Variants in CDH18 observed in about 807,000 individuals in gnomAD.
CDH18 encodes cadherin 18.
A neutral mutation model predicts 67.9 loss-of-function variants in CDH18; 31 were observed. The observed-to-expected ratio is 0.46, with a 90% CI of 0.34 to 0.62. The LOEUF is 0.62. Among genes scored for constraint, CDH18 ranks in the 20% least tolerant of loss-of-function variants. The probability of loss-of-function intolerance (pLI) is 0.01; values close to 1 mark genes in which losing one functional copy is unlikely to be tolerated. For missense variants in CDH18, 890 were observed against 975.5 expected (o/e 0.91, Z 1.17); for synonymous variants, 362 against 347.2 (o/e 1.04, Z -0.48).
In CDH18 at chr5:19,606,760, C is replaced by A. The variant is rs143967367; in HGVS notation, c.811+5674G>T. 6.6e-5 allele frequency among the ~76,000 whole-genome samples: 10 copies of A among 151,544 alleles called. No homozygotes were observed. The East Asian group carries it at 1.9e-3, about 29-fold the overall frequency. On this transcript the variant is annotated intron_variant, in intron 6 of 12. Coordinates refer to ENST00000382275, the MANE Select transcript of CDH18 (RefSeq NM_004934.5). Reference sequence around the variant, plus strand: ...TAGAAAAGAAGTGAGAAAATGAGGTCGAAGAAATACTTGAAAAAATTCTAA... The same window carrying A: ...TAGAAAAGAAGTGAGAAAATGAGGTAGAAGAAATACTTGAAAAAATTCTAA...
At chr5:19,545,309 C>T (rs1382875459) in intron 8 of CDH18, among the ~76,000 whole-genome samples, 1 of 152,046 alleles carries the variant, frequency 6.6e-6, no homozygotes, top group Non-Finnish European at 1.5e-5. Flanking sequence ...GGTTAGAAAA[C>T]AAATCTATGT....
chr5:19,884,685 T>G (rs1375179768), intron 2 of CDH18, among the ~76,000 whole-genome samples: 3 of 152,054 alleles, frequency 2.0e-5, no homozygotes, highest in East Asian at 3.9e-4. Flanking sequence ...CTTGTAACAA[T>G]CCTGTGTTTT....
At chr5:20,481,278 G>C (rs1373518249) in intron 1 of CDH18, among the ~76,000 whole-genome samples, 1 of 150,916 alleles carries the variant, frequency 6.6e-6, no homozygotes, top group Non-Finnish European at 1.5e-5. Flanking sequence ...TCAGCAAAAG[G>C]ACATAGGAAT....
At chr5:19,761,561 C>T (rs2149705874) in intron 3 of CDH18, among the ~76,000 whole-genome samples, 1 of 151,030 alleles carries the variant, frequency 6.6e-6, no homozygotes, top group African/African-American at 2.4e-5. Context: ...CTGCAGAAAC[C>T]CAAAAAAAAA....
chr5:19,692,178 T>C (rs187375355), intron 5 of CDH18, among the ~76,000 whole-genome samples: 15 of 152,176 alleles, frequency 9.9e-5, no homozygotes, highest in African/African-American at 3.4e-4. Context: ...TTAATATCCA[T>C]ATGCAGAAGA....
intron 1 of CDH18, among the ~76,000 whole-genome samples, chr5:20,449,442 G>T (rs1750258898): frequency 6.6e-6 from 1 of 151,910 alleles, no homozygotes; most frequent in African/African-American, 2.4e-5. Context: ...TCATATAAAT[G>T]ATGTATAAAT....
intron 5 of CDH18, among the ~76,000 whole-genome samples, chr5:19,714,834 T>G (rs1362515412): frequency 1.3e-4 from 20 of 151,998 alleles, no homozygotes. Context: ...TTTCCAAGAA[T>G]CTATGAATGA....
chr5:20,162,715 A>T (rs1232977598), intron 2 of CDH18, among the ~76,000 whole-genome samples: 2 of 151,570 alleles, frequency 1.3e-5, no homozygotes, highest in African/African-American at 4.8e-5. Flanking sequence ...ATACATATAT[A>T]TATGTCTTTA....
intron 2 of CDH18, among the ~76,000 whole-genome samples, chr5:20,031,301 A>G (rs1739374267): frequency 6.6e-6 from 1 of 152,158 alleles, no homozygotes; most frequent in African/African-American, 2.4e-5. Flanking sequence ...AAGAAAAGAT[A>G]GACTTGAAAA....
chr5:19,497,170 G>T (rs77035182), intron 11 of CDH18, among the ~76,000 whole-genome samples: 5,402 of 151,784 alleles, frequency 0.036, 139 homozygotes, highest in Non-Finnish European at 0.056. Context: ...ACTGGCATTT[G>T]TTCTAGATAT....
intron 2 of CDH18, among the ~76,000 whole-genome samples, chr5:19,910,344 G>T (rs1225233596): frequency 2.0e-5 from 3 of 152,126 alleles, no homozygotes; most frequent in Non-Finnish European, 4.4e-5. Flanking sequence ...TCACCCCAGA[G>T]TGCAAACAAG....
chr5:19,658,981 G>A (rs1448215996), intron 5 of CDH18, among the ~76,000 whole-genome samples: 2 of 152,038 alleles, frequency 1.3e-5, no homozygotes, highest in Non-Finnish European at 2.9e-5. Context: ...AAAAAATGAT[G>A]AGTTCATGTC....
At chr5:19,673,304 C>G (rs2150357354) in intron 5 of CDH18, among the ~76,000 whole-genome samples, 1 of 151,866 alleles carries the variant, frequency 6.6e-6, no homozygotes, top group East Asian at 1.9e-4. Flanking sequence ...TCACAATAAC[C>G]ATTTAAAACA....
chr5:20,197,960 G>A (rs932330366), intron 2 of CDH18, among the ~76,000 whole-genome samples: 6 of 152,072 alleles, frequency 3.9e-5, no homozygotes, highest in African/African-American at 1.4e-4. Flanking sequence ...TTTTATGATA[G>A]TCCTCATGAG....
chr5:20,184,453 C>T (rs533101668), intron 2 of CDH18, among the ~76,000 whole-genome samples: 7 of 151,956 alleles, frequency 4.6e-5, no homozygotes, highest in African/African-American at 7.2e-5. Flanking sequence ...AAAAAGAAAA[C>T]GATGACTCTT....
intron 1 of CDH18, among the ~76,000 whole-genome samples, chr5:20,364,152 AG>A (rs1742322040): frequency 6.6e-6 from 1 of 152,172 alleles, no homozygotes. Context: ...ATAGATTTTC[AG>A]TACTTCAGTA....
rs1491460573 is a variant in CDH18, at chr5:20,443,207, C to CTCAAA, written c.-580+132254_-580+132255insTTTGA. ...CCTGGGTGATAGAGCGAGACTCCGTCACAAAAAAAAAAAAAAAAAAAAAAG... is the reference window on the plus strand; with the variant it reads ...CCTGGGTGATAGAGCGAGACTCCGTCTCAAAACAAAAAAAAAAAAAAAAAAAAAAG... On this transcript the variant is annotated intron_variant, in intron 1 of 14. Transcript: ENST00000507958. 4.0e-3 allele frequency among the ~76,000 whole-genome samples: 102 copies of CTCAAA among 25,368 alleles called. 15 individuals are homozygous for CTCAAA. Among genetic ancestry groups the CTCAAA allele is most frequent in the African/African-American group, 0.012 (87 of 6,972 alleles). The allele number at this position is 25,368 out of a possible 152,430, so 16.6% of individuals were successfully genotyped here.
chr5:20,177,213 G>C (rs1311114944), intron 2 of CDH18, among the ~76,000 whole-genome samples: 1 of 151,878 alleles, frequency 6.6e-6, no homozygotes, highest in East Asian at 1.9e-4. Context: ...AGTAGTAACA[G>C]TTTCAAAATT....
intron 2 of CDH18, among the ~76,000 whole-genome samples, chr5:20,031,283 A>ATACT (rs1290342595): frequency 6.6e-6 from 1 of 152,146 alleles, no homozygotes; most frequent in Non-Finnish European, 1.5e-5. Context: ...TCTTTAGCAT[A>ATACT]TACTGGGAAG....
Sources: gnomAD v4.1 joint callset for allele counts (sites outside exome capture counted in the v4.1 genomes callset) on GRCh38, gnomAD v4.1.1 for gene constraint, MANE v1.5 for transcripts, NCBI Gene and HGNC (gene_info 2026-07-23, HGNC 2026-07-21) for gene names.